The following SPOPL variants were observed in gnomAD, a reference collection of about 807,000 sequenced individuals.
SPOPL encodes speckle-type POZ protein-like.
SPOPL carries 23 observed loss-of-function variants against 53.8 expected under a neutral mutation model. The observed-to-expected ratio is 0.43, with a 90% CI of 0.31 to 0.61. The LOEUF is 0.61. SPOPL is among the 20% of genes least tolerant of loss of function. The probability of loss-of-function intolerance (pLI) is 0.12; values close to 1 mark genes in which losing one functional copy is unlikely to be tolerated. For missense variants in SPOPL, 442 were observed against 466.9 expected, an observed-to-expected ratio of 0.95 and a Z score of 0.49; for synonymous variants, 164 against 149.7, an observed-to-expected ratio of 1.10 and a Z score of -0.70.
At chr2:138,507,748 A>C (rs1425636107) in intron 1 of SPOPL, among the ~76,000 whole-genome samples, 1 of 152,188 alleles carries the variant, frequency 6.6e-6, no homozygotes, top group Non-Finnish European at 1.5e-5. Context: ...TTTTATTAAT[A>C]TCCTTACCAC....
At chr2:138,561,875 C>T (rs1318987323) in intron 8 of SPOPL, among the ~76,000 whole-genome samples, 1 of 152,066 alleles carries the variant, frequency 6.6e-6, no homozygotes. Flanking sequence ...CCCCCTCCCT[C>T]TCTACCCCCT....
rs77018054 is a variant in SPOPL at position 138,565,004 on chromosome 2, A to G, written c.1034+11A>G. On this transcript the variant is annotated intron_variant, in intron 10 of 10. Coordinates refer to ENST00000280098, the MANE Select transcript of SPOPL (RefSeq NM_001001664.3). ...AAACTGGAACAGCAAGTAAGATGACATCAGTTTCTGACTCAAAGTTGCTCT... is the reference window on the plus strand; with the variant it reads ...AAACTGGAACAGCAAGTAAGATGACGTCAGTTTCTGACTCAAAGTTGCTCT... 4.3e-6 allele frequency: 7 copies of G among 1,613,844 alleles called. No individual in the cohort carries two copies. In the African/African-American group the frequency reaches 8.0e-5, roughly 18 times the overall value.
At position 138,572,274 on chromosome 2, in the gene SPOPL, T is replaced by C. The variant is rs1685799681; in HGVS notation, c.*3194T>C. 1 of 152,562 alleles carries C rather than the reference T, an allele frequency of 6.6e-6. No homozygotes were observed. Among genetic ancestry groups the C allele is most frequent in the Admixed American group, 6.6e-5 (1 of 15,262 alleles). The allele number at this position is 152,562 out of a possible 1,614,324, so 9.5% of individuals were successfully genotyped here. ...TGCCTTTTTAGGACATCAATTATAA[T>C]AAAATTGTTTTAAAATATTAACAAA... On this transcript the variant is annotated 3_prime_UTR_variant, in exon 11 of 11. Transcript: ENST00000280098.
intron 1 of SPOPL, among the ~76,000 whole-genome samples, chr2:138,540,929 T>C (rs1174250208): frequency 6.6e-6 from 1 of 152,210 alleles, no homozygotes; most frequent in African/African-American, 2.4e-5. Context: ...CAATACCTAA[T>C]TTATTGAGAA....
chr2:138,559,431 A>G, intron 7 of SPOPL, 94 bp downstream of exon 7: 1 of 1,304,158 alleles, frequency 7.7e-7, no homozygotes, highest in Non-Finnish European at 1.0e-6. Context: ...TCTCATTGTC[A>G]TACTGTGATA....
At chr2:138,563,448 C>T (rs1258412955) in intron 8 of SPOPL, among the ~76,000 whole-genome samples, 1 of 152,188 alleles carries the variant, frequency 6.6e-6, no homozygotes, top group Non-Finnish European at 1.5e-5. Context: ...TGCCACTGCA[C>T]TCCAGCCTGG....
At chr2:138,507,864 T>G (rs1451616567) in intron 1 of SPOPL, among the ~76,000 whole-genome samples, 1 of 152,260 alleles carries the variant, frequency 6.6e-6, no homozygotes, top group Non-Finnish European at 1.5e-5. Flanking sequence ...TTTTGCTAGT[T>G]AGCTTTACAT....
At chr2:138,522,703 G>C (rs1684584455) in intron 1 of SPOPL, among the ~76,000 whole-genome samples, 1 of 152,000 alleles carries the variant, frequency 6.6e-6, no homozygotes, top group Admixed American at 6.6e-5. Flanking sequence ...TATAGCAGTG[G>C]TGTCCAGCTC....
At chr2:138,524,883 A>G (rs1022011895) in intron 1 of SPOPL, among the ~76,000 whole-genome samples, 2 of 152,172 alleles carry the variant, frequency 1.3e-5, no homozygotes, top group Non-Finnish European at 2.9e-5. Flanking sequence ...TGAGCCCTCC[A>G]GACTGTTCCA....
intron 1 of SPOPL, among the ~76,000 whole-genome samples, chr2:138,516,702 G>A (rs558438611): frequency 6.6e-5 from 10 of 152,216 alleles, no homozygotes; most frequent in Admixed American, 1.3e-4. Context: ...AGGGGAAGAG[G>A]GTATAGCATT....
rs142559560 is a variant in SPOPL at position 138,550,416 on chromosome 2, G to C, written c.79-67G>C. 141 of 1,587,876 alleles carry C rather than the reference G, an allele frequency of 8.9e-5. No homozygotes were observed. The African/African-American group carries it at 1.7e-3, about 19-fold the overall frequency. On this transcript the variant is annotated intron_variant, in intron 2 of 10. Transcript: ENST00000280098. ...GTGTTAGAAGACTGGATCGTAGGAT[G>C]TTGAACATGTAACAAGTTAAAAGTA...
intron 3 of SPOPL, 79 bp from the exon 4 acceptor site, chr2:138,550,824 T>A: frequency 6.8e-7 from 1 of 1,462,398 alleles, no homozygotes; most frequent in African/African-American, 1.5e-5. Context: ...TCTCTCTCTC[T>A]CTTTCTCTCT....
chr2:138,565,051 T>C (rs1685632011), intron 10 of SPOPL, 58 bp downstream of exon 10: 3 of 1,586,842 alleles, frequency 1.9e-6, no homozygotes, highest in African/African-American at 1.3e-5. Flanking sequence ...ATTAAGTGTT[T>C]GCATAGCCTT....
chr2:138,561,017 G>T (rs893678591), intron 8 of SPOPL, 90 bp downstream of exon 8: 1 of 1,449,344 alleles, frequency 6.9e-7, no homozygotes, highest in Non-Finnish European at 9.4e-7. Flanking sequence ...CAAATAACTC[G>T]TATTTTGTAG....
Position 138,543,555 on chromosome 2 carries a change from G to A in SPOPL, c.-60-6602G>A, listed in dbSNP as rs373669922. Among the ~76,000 whole-genome samples, 7 of 152,024 alleles carry A rather than the reference G, an allele frequency of 4.6e-5. No individual in the cohort carries two copies. The East Asian group carries it at 7.7e-4, about 17-fold the overall frequency. On this transcript the variant is annotated intron_variant, in intron 1 of 10. Transcript: ENST00000280098. ...CTACTGAGGCTTGTGCATTCATCAC[G>A]GAGTTCTCGTGTCTTGGTTTTCAGC...
At chr2:138,552,420 CACA>C in intron 4 of SPOPL, 131 bp from the exon 5 acceptor site, 1 of 1,073,478 alleles carries the variant, frequency 9.3e-7, no homozygotes, top group East Asian at 2.8e-5. Flanking sequence ...GATTTATAAA[CACA>C]AATATCGGTA....
intron 1 of SPOPL, among the ~76,000 whole-genome samples, chr2:138,524,697 A>G (rs1684631768): frequency 6.6e-6 from 1 of 152,224 alleles, no homozygotes; most frequent in South Asian, 2.1e-4. Flanking sequence ...TGCCACCAGT[A>G]TCTTTGCTAA....
intron 1 of SPOPL, among the ~76,000 whole-genome samples, chr2:138,546,006 CATG>C (rs1685187380): frequency 1.3e-5 from 2 of 152,262 alleles, no homozygotes; most frequent in South Asian, 4.1e-4. Flanking sequence ...AGAGAGGAAA[CATG>C]ATGGTGGTAG....
At chr2:138,544,327 A>G (rs2104885971) in intron 1 of SPOPL, among the ~76,000 whole-genome samples, 1 of 152,292 alleles carries the variant, frequency 6.6e-6, no homozygotes. Flanking sequence ...CCCTGCCCCC[A>G]CAGGTGGAGT....
Sources: gnomAD v4.1 joint callset for allele counts (sites outside exome capture counted in the v4.1 genomes callset) on GRCh38, gnomAD v4.1.1 for gene constraint, MANE v1.5 for transcripts, NCBI Gene and HGNC (gene_info 2026-07-23, HGNC 2026-07-21) for gene names.